Variants in TRIM21 observed in about 807,000 individuals in gnomAD.
TRIM21 encodes E3 ubiquitin-protein ligase TRIM21.
A neutral mutation model predicts 36.1 loss-of-function variants in TRIM21; 35 were observed. The ratio of observed to expected loss-of-function variants is 0.97; its 90% CI spans 0.74 to 1.28. The LOEUF (loss-of-function observed/expected upper bound fraction) is 1.28. Among genes scored for constraint, TRIM21 ranks in the 50% most tolerant of loss-of-function variants. The pLI is 0.00. For synonymous variants in TRIM21, 256 were observed against 211.5 expected (o/e 1.21, Z -1.83); for missense variants, 635 against 570.7 (o/e 1.11, Z -1.15).
In TRIM21 at chr11:4,386,863, A is replaced by C. The variant is rs2094956794; in HGVS notation, c.758+105T>G. ...ATGAAGTTTTTGAGAATAGGAAGCC[A>C]GATGGGGAAAACTTCAGTGCATGTA... On this transcript the variant is annotated intron_variant, in intron 5 of 6. Coordinates refer to ENST00000254436, the MANE Select transcript of TRIM21 (RefSeq NM_003141.4). 45 of 1,192,476 alleles carry C rather than the reference A, an allele frequency of 3.8e-5. No homozygotes were observed. The South Asian group carries it at 6.5e-4, about 17-fold the overall frequency. 73.9% of individuals were successfully genotyped at this position (1,192,476 alleles called of 1,614,324 possible). A position where few individuals can be genotyped will look rare whatever the true frequency, so the allele number is the denominator to read the frequency against.
intron 1 of TRIM21, among the ~76,000 whole-genome samples, chr11:4,391,575 C>A (rs2094963081): frequency 6.6e-6 from 1 of 150,794 alleles, no homozygotes; most frequent in African/African-American, 2.4e-5. Flanking sequence ...CCACTGCTAG[C>A]ATATACCCCA....
In TRIM21 at chr11:4,387,053, CT is replaced by C. The variant is rs1052354141; in HGVS notation, c.736-64del. The C allele has an allele frequency of 5.3e-6, 8 of 1,509,758 alleles. No individual in the cohort carries two copies. In the African/African-American group the frequency reaches 1.1e-4, roughly 21 times the overall value. 93.5% of individuals were successfully genotyped at this position (1,509,758 alleles called of 1,614,324 possible). A position where few individuals can be genotyped will look rare whatever the true frequency, so the allele number is the denominator to read the frequency against. ...CTGGATCGCCACTGAGACATCAGCC[CT>C]GTGGGTGATGTGATCCATCTTTGGT... On this transcript the variant is annotated intron_variant, in intron 4 of 6. Transcript: ENST00000254436.
At position 4,390,370 on chromosome 11, in the gene TRIM21, C is replaced by T; in HGVS notation, c.40G>A (p.Val14Ile). Residue 14 changes from valine (V) to isoleucine (I), a missense_variant, in exon 2 of 7, where the codon GTC becomes ATC. Coordinates refer to ENST00000254436, the MANE Select transcript of TRIM21 (RefSeq NM_003141.4). Reference protein sequence around the residue: ...AARLTMMWEEVTCPICLDPFV... With the variant: ...AARLTMMWEEITCPICLDPFV... ...GGGTCCAGGCAGATAGGGCATGTGA[C>T]CTCCTCCCACATCATTGTCAAGCGT... The T allele has an allele frequency of 6.2e-7, 1 of 1,612,844 alleles. No individual in the cohort carries two copies. The highest frequency in any genetic ancestry group is 1.1e-5 in the South Asian group (1 of 91,058).
Position 4,390,472 on chromosome 11 carries a change from A to T in TRIM21, c.-49-14T>A. 6.7e-7 allele frequency: 1 copy of T among 1,496,384 alleles called. No individual in the cohort carries two copies. 92.7% of individuals were successfully genotyped at this position (1,496,384 alleles called of 1,614,324 possible). ...TAGGGGGTTTGGCTGGGAGAGAAGAAGAAAGGGAAAAGAGAATATGAGAAA... is the reference window on the plus strand; with the variant it reads ...TAGGGGGTTTGGCTGGGAGAGAAGATGAAAGGGAAAAGAGAATATGAGAAA... On this transcript the variant is annotated splice_polypyrimidine_tract_variant and intron_variant, in intron 1 of 6. Transcript: ENST00000254436.
At chr11:4,391,133 A>G (rs1296092565) in intron 1 of TRIM21, among the ~76,000 whole-genome samples, 1 of 152,256 alleles carries the variant, frequency 6.6e-6, no homozygotes, top group Non-Finnish European at 1.5e-5. Flanking sequence ...CAAAGTGAAG[A>G]GACAGCCCAC....
At chr11:4,393,593 AGGAGGGCAGGGGTCCCTTG>A (rs2094965869) in intron 1 of TRIM21, 21 bp downstream of exon 1, 1 of 152,306 alleles carries the variant, frequency 6.6e-6, no homozygotes, top group African/African-American at 2.4e-5. Flanking sequence ...GAGGTCCCCT[AGGAGGGCAGGGGTCCCTTG>A]ATCTAGTGGG....
chr11:4,387,080 C>T (rs2094957041), intron 4 of TRIM21, 90 bp from the exon 5 acceptor site: 1 of 1,349,004 alleles, frequency 7.4e-7, no homozygotes, highest in Non-Finnish European at 1.0e-6. Flanking sequence ...CATCTTTGGT[C>T]CCTGGGGCAC....
At chr11:4,387,030 G>T in intron 4 of TRIM21, 40 bp from the exon 5 acceptor site, 1 of 1,559,856 alleles carries the variant, frequency 6.4e-7, no homozygotes. Context: ...CTGGATTGCT[G>T]GATCGCCACT....
chr11:4,389,827 T>C lies in TRIM21; in HGVS notation c.409-78A>G, dbSNP rs557066511. ...GGGTAATCCTTGCAGCATTTTCTCA[T>C]GCATATCTCCTACGCCTGGGGAATG... On this transcript the variant is annotated intron_variant, in intron 2 of 6. Coordinates refer to ENST00000254436, the MANE Select transcript of TRIM21 (RefSeq NM_003141.4). 3.6e-4 allele frequency: 544 copies of C among 1,504,170 alleles called. 9 individuals are homozygous for C. In the South Asian group the frequency reaches 5.8e-3, roughly 16 times the overall value. The allele number at this position is 1,504,170 out of a possible 1,614,324, so 93.2% of individuals were successfully genotyped here.
At chr11:4,387,933 C>T (rs1166577771) in intron 4 of TRIM21, among the ~76,000 whole-genome samples, 1 of 152,156 alleles carries the variant, frequency 6.6e-6, no homozygotes, top group Non-Finnish European at 1.5e-5. Flanking sequence ...CTGCACAAAC[C>T]TGAAAGCAAT....
intron 4 of TRIM21, among the ~76,000 whole-genome samples, chr11:4,387,641 C>T (rs555094538): frequency 3.9e-5 from 6 of 152,118 alleles, no homozygotes; most frequent in South Asian, 2.1e-4. Context: ...AGATCACCTA[C>T]GGTTGGGAGT....
intron 5 of TRIM21, among the ~76,000 whole-genome samples, chr11:4,386,695 C>T (rs1012000617): frequency 7.2e-5 from 11 of 152,060 alleles, no homozygotes; most frequent in African/African-American, 2.2e-4. Context: ...GTCTGAATTC[C>T]GGGAAGACCC....
intron 2 of TRIM21, 34 bp from the exon 3 acceptor site, chr11:4,389,783 C>G: frequency 1.3e-6 from 2 of 1,595,446 alleles, no homozygotes; most frequent in Non-Finnish European, 1.7e-6. Flanking sequence ...GTCCCCCATG[C>G]AAACCAAGTA....
chr11:4,385,585 G>A lies in TRIM21; in HGVS notation c.1128C>T (p.Gly376=), dbSNP rs1325201625. 1 of 1,612,874 alleles carries A rather than the reference G, an allele frequency of 6.2e-7. No individual in the cohort carries two copies. Among genetic ancestry groups the A allele is most frequent in the East Asian group, 2.2e-5 (1 of 44,836 alleles). ...TGTTCCACAACCAAATTGTCCAGAA[G>A]CCACTCTTGGAACTAAGCAAAAAGT... is the stretch of plus-strand genomic sequence containing the variant. ...KGHFLLSSKS[G]FWTIWLWNKQ... is the part of the protein sequence containing the mutation. Residue 376 remains glycine (G), a synonymous_variant, in exon 7 of 7, where the codon GGC becomes GGT. Coordinates refer to ENST00000254436, the MANE Select transcript of TRIM21 (RefSeq NM_003141.4).
At chr11:4,392,934 C>CA (rs1230959743) in intron 1 of TRIM21, among the ~76,000 whole-genome samples, 1 of 152,138 alleles carries the variant, frequency 6.6e-6, no homozygotes, top group Non-Finnish European at 1.5e-5. Flanking sequence ...AGAGATACTT[C>CA]ATGCTTTGAA....
At chr11:4,386,773 TG>T (rs2094956718) in intron 5 of TRIM21, among the ~76,000 whole-genome samples, 194 bp downstream of exon 5, 1 of 152,212 alleles carries the variant, frequency 6.6e-6, no homozygotes, top group African/African-American at 2.4e-5. Flanking sequence ...CCAACTACTG[TG>T]GGCAATCACC....
intron 3 of TRIM21, among the ~76,000 whole-genome samples, chr11:4,388,805 T>A (rs1338429859): frequency 2.0e-5 from 3 of 152,102 alleles, no homozygotes; most frequent in Non-Finnish European, 4.4e-5. Flanking sequence ...ATATATGGCA[T>A]TGGGGACTTT....
chr11:4,390,334 G>C lies in TRIM21; in HGVS notation c.76C>G (p.Pro26Ala), dbSNP rs2094961648. Residue 26 changes from proline (P) to alanine (A), a missense_variant, in exon 2 of 7, where the codon CCT (proline) becomes GCT (alanine). Coordinates refer to ENST00000254436, the MANE Select transcript of TRIM21 (RefSeq NM_003141.4). ...CTGTGGCCACACTCGATGCTCACAG[G>C]CTCCACGAAGGGGTCCAGGCAGATA... ...CPICLDPFVE[P>A]VSIECGHSFC... 1 of 1,613,842 alleles carries C rather than the reference G, an allele frequency of 6.2e-7. No individual in the cohort carries two copies. The highest frequency in any genetic ancestry group is 1.3e-5 in the African/African-American group (1 of 74,904).
chr11:4,386,012 C>T (rs1000202384), intron 6 of TRIM21, 145 bp downstream of exon 6: 4 of 1,077,362 alleles, frequency 3.7e-6, no homozygotes, highest in Non-Finnish European at 5.4e-6. Context: ...TGGTCCTGAC[C>T]TCTGAAGAAA....
Sources: gnomAD v4.1 joint callset for allele counts (sites outside exome capture counted in the v4.1 genomes callset) on GRCh38, gnomAD v4.1.1 for gene constraint, MANE v1.5 for transcripts, NCBI Gene and HGNC (gene_info 2026-07-23, HGNC 2026-07-21) for gene names.